The following ASTN2 variants were observed in gnomAD, a reference collection of about 807,000 sequenced individuals.
The protein encoded by ASTN2 is astrotactin-2.
ASTN2 carries 54 observed loss-of-function variants against 139.8 expected under a neutral mutation model. The ratio of observed to expected loss-of-function variants is 0.39; its 90% confidence interval spans 0.31 to 0.48. ASTN2 has a LOEUF of 0.48. ASTN2 is among the 20% of genes least tolerant of loss of function. The pLI, the probability that ASTN2 is intolerant of heterozygous loss-of-function variation, is 0.95. For missense variants in ASTN2, 1,565 were observed against 1,725.1 expected (o/e 0.91, Z 1.64); for synonymous variants, 756 against 719.5 (o/e 1.05, Z -0.81).
chr9:117,412,368 G>C (rs1318684701), intron 1 of ASTN2, among the ~76,000 whole-genome samples: 1 of 152,162 alleles, frequency 6.6e-6, no homozygotes, highest in Non-Finnish European at 1.5e-5. Context: ...ATCAGAGGAG[G>C]GGGAAGTCTC....
intron 10 of ASTN2, among the ~76,000 whole-genome samples, chr9:116,877,307 A>C (rs986169897): frequency 7.5e-6 from 1 of 132,606 alleles, no homozygotes; most frequent in African/African-American, 2.5e-5. Flanking sequence ...TTTCTATCTA[A>C]GTGTGGGTTT....
chr9:116,753,168 C>T (rs964279007), intron 13 of ASTN2, among the ~76,000 whole-genome samples: 8 of 152,178 alleles, frequency 5.3e-5, no homozygotes, highest in Non-Finnish European at 1.0e-4. Context: ...TATCATTCCA[C>T]AATTTTAAAA....
At chr9:116,935,955 G>A (rs909260074) in intron 10 of ASTN2, among the ~76,000 whole-genome samples, 22 of 151,402 alleles carry the variant, frequency 1.5e-4, no homozygotes, top group African/African-American at 5.1e-4. Context: ...GAGATGTTGA[G>A]TAACTTGCCT....
intron 10 of ASTN2, among the ~76,000 whole-genome samples, chr9:116,884,336 T>C (rs984859144): frequency 6.6e-6 from 1 of 152,160 alleles, no homozygotes; most frequent in Non-Finnish European, 1.5e-5. Context: ...AGTCACTTCC[T>C]GTGATAGTTT....
At chr9:117,110,790 C>G (rs1283985138) in intron 4 of ASTN2, among the ~76,000 whole-genome samples, 1 of 152,180 alleles carries the variant, frequency 6.6e-6, no homozygotes, top group Non-Finnish European at 1.5e-5. Context: ...ACACTTACAG[C>G]ATAGCTCAGG....
chr9:116,948,266 A>C (rs186112704), intron 10 of ASTN2, among the ~76,000 whole-genome samples: 4 of 152,190 alleles, frequency 2.6e-5, no homozygotes, highest in Non-Finnish European at 5.9e-5. Flanking sequence ...AATTATGTAA[A>C]TATCTCTTTC....
chr9:116,601,267 G>A (rs533897989), intron 19 of ASTN2, among the ~76,000 whole-genome samples: 1 of 152,274 alleles, frequency 6.6e-6, no homozygotes, highest in East Asian at 1.9e-4. Context: ...AACCTTGTAC[G>A]ATGTGTCAAA....
intron 12 of ASTN2, among the ~76,000 whole-genome samples, chr9:116,816,446 C>T (rs1008900846): frequency 2.0e-5 from 3 of 152,190 alleles, no homozygotes; most frequent in Non-Finnish European, 4.4e-5. Flanking sequence ...GGCTTAGGCA[C>T]CTCTTTGCCC....
At chr9:116,622,222 G>T (rs1856195131) in intron 17 of ASTN2, among the ~76,000 whole-genome samples, 1 of 152,118 alleles carries the variant, frequency 6.6e-6, no homozygotes, top group Non-Finnish European at 1.5e-5. Flanking sequence ...AGATCTAGAA[G>T]GAGACAGTGT....
In ASTN2 at chr9:116,779,588, G is replaced by A. The variant is rs185722932; in HGVS notation, c.2396+26044C>T. ...TGACCTTTCACCTTTGAGTTCCCCCGACAGGGCCTATCTACCACAAAGAAA... is the reference window on the plus strand; with the variant it reads ...TGACCTTTCACCTTTGAGTTCCCCCAACAGGGCCTATCTACCACAAAGAAA... On this transcript the variant is annotated intron_variant, in intron 13 of 22. Coordinates refer to ENST00000313400, the MANE Select transcript of ASTN2 (RefSeq NM_001365068.1). Among the ~76,000 whole-genome samples the A allele has an allele frequency of 6.6e-5, 10 of 151,718 alleles. No homozygotes were observed. In the East Asian group the frequency reaches 1.2e-3, roughly 18 times the overall value.
intron 4 of ASTN2, among the ~76,000 whole-genome samples, chr9:117,131,979 A>G (rs1247342121): frequency 6.6e-6 from 1 of 152,160 alleles, no homozygotes. Context: ...ACATGATTTT[A>G]TATGGTCAAA....
chr9:117,213,395 T>G, intron 3 of ASTN2, among the ~76,000 whole-genome samples: 1 of 152,108 alleles, frequency 6.6e-6, no homozygotes, highest in African/African-American at 2.4e-5. Flanking sequence ...CTATACCACT[T>G]AAAGATTACT....
chr9:117,365,000 A>ACACACAC lies in ASTN2; in HGVS notation c.442+49496_442+49497insGTGTGTG, dbSNP rs1564167766. Among the ~76,000 whole-genome samples, 152 of 96,304 alleles carry ACACACAC rather than the reference A, an allele frequency of 1.6e-3. 1 individual carries two copies. The highest frequency in any genetic ancestry group is 4.8e-3 in the African/African-American group (137 of 28,420). 63.2% of individuals were successfully genotyped at this position (96,304 alleles called of 152,430 possible). On this transcript the variant is annotated intron_variant, in intron 1 of 22. Transcript: ENST00000313400. ...ACACACACACACACACACACACACA[A>ACACACAC]AATCAGCCATGCATTATGGCATGCA... is the stretch of plus-strand genomic sequence containing the variant.
At chr9:117,101,979 TAAG>T (rs1243570814) in intron 4 of ASTN2, among the ~76,000 whole-genome samples, 2 of 152,144 alleles carry the variant, frequency 1.3e-5, no homozygotes, top group Non-Finnish European at 2.9e-5. Flanking sequence ...GGTGGTTCCT[TAAG>T]AAGTTAAACA....
At chr9:117,366,089 C>G (rs950886343) in intron 1 of ASTN2, among the ~76,000 whole-genome samples, 1 of 152,152 alleles carries the variant, frequency 6.6e-6, no homozygotes, top group Non-Finnish European at 1.5e-5. Flanking sequence ...TCTCACTCAT[C>G]TTGCAAAACC....
At chr9:116,744,155 T>C (rs1041951642) in intron 13 of ASTN2, among the ~76,000 whole-genome samples, 7 of 151,918 alleles carry the variant, frequency 4.6e-5, no homozygotes, top group African/African-American at 1.2e-4. Context: ...CAAAAGTCCA[T>C]AGGGGTGTAT....
At chr9:117,003,953 C>CGCGCGCGCGCGCGTGTGT (rs1218309835) in intron 7 of ASTN2, among the ~76,000 whole-genome samples, 1 of 146,226 alleles carries the variant, frequency 6.8e-6, no homozygotes, top group African/African-American at 2.6e-5. Context: ...CGCGCGCGCG[C>CGCGCGCGCGCGCGTGTGT]GTGTGTGTGT....
At chr9:116,839,391 TTAAGTA>T (rs1254014390) in intron 11 of ASTN2, among the ~76,000 whole-genome samples, 4 of 152,136 alleles carry the variant, frequency 2.6e-5, no homozygotes, top group Admixed American at 1.3e-4. Context: ...ATTTACTCAT[TTAAGTA>T]TATGATTCAG....
At chr9:116,997,211 T>A (rs1323869643) in intron 7 of ASTN2, among the ~76,000 whole-genome samples, 1 of 152,210 alleles carries the variant, frequency 6.6e-6, no homozygotes, top group South Asian at 2.1e-4. Context: ...CTTGACCTTC[T>A]AAATTTTTGA....
Sources: gnomAD v4.1 joint callset for allele counts (sites outside exome capture counted in the v4.1 genomes callset) on GRCh38, gnomAD v4.1.1 for gene constraint, MANE v1.5 for transcripts, NCBI Gene and HGNC (gene_info 2026-07-23, HGNC 2026-07-21) for gene names.